Variants in EXOC6B observed in about 807,000 individuals in gnomAD.
EXOC6B encodes the protein SEC15 homolog B.
Under a neutral mutation model 113.5 loss-of-function variants are expected in EXOC6B, and 54 were observed. The observed-to-expected ratio is 0.48, with a 90% CI of 0.38 to 0.60. EXOC6B has a LOEUF of 0.60. EXOC6B is among the 20% of genes least tolerant of loss of function. The pLI is 0.00. For missense variants in EXOC6B, 797 were observed against 977.5 expected (o/e 0.82, Z 2.46); for synonymous variants, 357 against 339.0 (o/e 1.05, Z -0.58).
In EXOC6B at chr2:72,825,099, G is replaced by A. The variant is rs970792006; in HGVS notation, c.113+699C>T. ...ACCTAAATTTGTTAAATAAGTTGAGGTAAGTAGGGATTTCTTTTGACATCT... is the reference window on the plus strand; with the variant it reads ...ACCTAAATTTGTTAAATAAGTTGAGATAAGTAGGGATTTCTTTTGACATCT... On this transcript the variant is annotated intron_variant, in intron 1 of 21. Coordinates refer to ENST00000272427, the MANE Select transcript of EXOC6B (RefSeq NM_015189.3). The surrounding 1 kb of genome is among the most constrained non-coding windows in gnomAD (Gnocchi z 4.4). Among the ~76,000 whole-genome samples, 1 of 152,142 alleles carries A rather than the reference G, an allele frequency of 6.6e-6. No homozygotes were observed. Among genetic ancestry groups the A allele is most frequent in the Non-Finnish European group, 1.5e-5 (1 of 68,034 alleles).
At chr2:72,615,441 C>T (rs933030337) in intron 6 of EXOC6B, among the ~76,000 whole-genome samples, 12 of 151,790 alleles carry the variant, frequency 7.9e-5, no homozygotes, top group African/African-American at 2.4e-4. Flanking sequence ...ATTGCATTAT[C>T]GGCCTAACCC....
chr2:72,438,844 C>T (rs570513384), intron 18 of EXOC6B, among the ~76,000 whole-genome samples: 1 of 152,164 alleles, frequency 6.6e-6, no homozygotes, highest in South Asian at 2.1e-4. Flanking sequence ...GGAAGATATG[C>T]AAATATCAGA....
At chr2:72,544,770 G>T (rs1490478689) in intron 8 of EXOC6B, among the ~76,000 whole-genome samples, 1 of 152,050 alleles carries the variant, frequency 6.6e-6, no homozygotes, top group Non-Finnish European at 1.5e-5. Flanking sequence ...TCATCAAATT[G>T]TATCTCTGGC....
intron 1 of EXOC6B, among the ~76,000 whole-genome samples, chr2:72,755,729 A>C (rs1023619435): frequency 1.3e-5 from 2 of 152,168 alleles, no homozygotes; most frequent in Non-Finnish European, 2.9e-5. Flanking sequence ...GCTCTCCTCT[A>C]ACCTCCTCTG....
At chr2:72,554,101 C>T (rs116079047) in intron 8 of EXOC6B, among the ~76,000 whole-genome samples, 3,240 of 152,214 alleles carry the variant, frequency 0.021, 133 homozygotes, top group African/African-American at 0.073. Context: ...AGACCATTCA[C>T]ATCAATTTTT....
At chr2:72,414,528 T>C (rs984955129) in intron 18 of EXOC6B, among the ~76,000 whole-genome samples, 1 of 152,226 alleles carries the variant, frequency 6.6e-6, no homozygotes, top group African/African-American at 2.4e-5. Context: ...ACCCTGCCAA[T>C]TCCACATAAC....
intron 6 of EXOC6B, among the ~76,000 whole-genome samples, chr2:72,717,218 T>G (rs1472531852): frequency 2.0e-5 from 3 of 152,188 alleles, no homozygotes; most frequent in African/African-American, 7.2e-5. Context: ...ATAGATATTA[T>G]AGATCAAATA....
intron 20 of EXOC6B, among the ~76,000 whole-genome samples, chr2:72,198,834 C>G (rs1279178423): frequency 6.6e-6 from 1 of 152,194 alleles, no homozygotes; most frequent in East Asian, 1.9e-4. Flanking sequence ...GGAAACAACA[C>G]TGAAATCAGA....
chr2:72,479,606 A>G (rs755364232), intron 17 of EXOC6B, among the ~76,000 whole-genome samples: 1 of 152,204 alleles, frequency 6.6e-6, no homozygotes, highest in Non-Finnish European at 1.5e-5. Context: ...CAAACCATAT[A>G]AGTAGCCTAT....
intron 20 of EXOC6B, among the ~76,000 whole-genome samples, chr2:72,301,515 C>T (rs577638581): frequency 6.6e-6 from 1 of 152,234 alleles, no homozygotes; most frequent in Non-Finnish European, 1.5e-5. Flanking sequence ...ATTACTGACT[C>T]AATTCAGGGC....
intron 8 of EXOC6B, among the ~76,000 whole-genome samples, chr2:72,523,050 T>C (rs997849113): frequency 6.6e-6 from 1 of 152,204 alleles, no homozygotes; most frequent in African/African-American, 2.4e-5. Flanking sequence ...TCTCCATGTG[T>C]CCAGACACTT....
intron 6 of EXOC6B, among the ~76,000 whole-genome samples, chr2:72,595,711 C>T (rs1312239369): frequency 1.3e-5 from 2 of 151,594 alleles, no homozygotes; most frequent in Admixed American, 6.6e-5. Flanking sequence ...CATAGATACA[C>T]AATAAGAAGA....
At chr2:72,504,036 T>C (rs1204985408) in intron 11 of EXOC6B, among the ~76,000 whole-genome samples, 1 of 151,946 alleles carries the variant, frequency 6.6e-6, no homozygotes, top group South Asian at 2.1e-4. Context: ...CGCTCTAGAG[T>C]AGCTGGGACC....
intron 20 of EXOC6B, among the ~76,000 whole-genome samples, chr2:72,235,400 A>T (rs1246367971): frequency 6.6e-6 from 1 of 152,156 alleles, no homozygotes; most frequent in Non-Finnish European, 1.5e-5. Context: ...ACCAGGGCCT[A>T]CTTGAAGGTG....
intron 20 of EXOC6B, among the ~76,000 whole-genome samples, chr2:72,203,241 G>A (rs932256735): frequency 6.6e-6 from 1 of 152,102 alleles, no homozygotes; most frequent in East Asian, 1.9e-4. Context: ...AGAACCTTAA[G>A]AAGTCCTTTT....
At chr2:72,401,628 TATATATATACATATATAC>T (rs1693300651) in intron 18 of EXOC6B, among the ~76,000 whole-genome samples, 6 of 48,370 alleles carry the variant, frequency 1.2e-4, no homozygotes, top group African/African-American at 2.8e-4. Flanking sequence ...TATACATATA[TATATATATACATATATAC>T]ATATATATAT....
intron 20 of EXOC6B, among the ~76,000 whole-genome samples, chr2:72,228,812 C>A (rs925571649): frequency 1.2e-4 from 18 of 152,238 alleles, no homozygotes; most frequent in African/African-American, 4.3e-4. Context: ...AATGGTATTT[C>A]TAGTTCTAGA....
At chr2:72,650,138 T>C (rs1243289065) in intron 6 of EXOC6B, among the ~76,000 whole-genome samples, 2 of 152,296 alleles carry the variant, frequency 1.3e-5, no homozygotes, top group East Asian at 3.9e-4. Context: ...CTATTGTGAA[T>C]TACACATCTG....
intron 1 of EXOC6B, among the ~76,000 whole-genome samples, chr2:72,764,708 G>A (rs1682959446): frequency 1.3e-5 from 2 of 151,904 alleles, no homozygotes; most frequent in Non-Finnish European, 2.9e-5. Flanking sequence ...TTCTCCAACT[G>A]TGGAAATGAA....
Sources: gnomAD v4.1 joint callset for allele counts (sites outside exome capture counted in the v4.1 genomes callset) on GRCh38, gnomAD v4.1.1 for gene constraint, Gnocchi (gnomAD v3.1) non-coding constraint, MANE v1.5 for transcripts, NCBI Gene and HGNC (gene_info 2026-07-23, HGNC 2026-07-21) for gene names.